The following LPIN2 variants were observed in gnomAD, a reference collection of about 807,000 sequenced individuals.
LPIN2 encodes the protein phosphatidate phosphatase LPIN2.
LPIN2 carries 55 observed loss-of-function variants against 111.4 expected under a neutral mutation model. The observed-to-expected ratio is 0.49, with a 90% CI of 0.40 to 0.62. LPIN2 has a LOEUF of 0.62. LPIN2 is among the 20% of genes least tolerant of loss of function. LPIN2 has a pLI of 0.00. For synonymous variants in LPIN2, 425 were observed against 414.0 expected, an observed-to-expected ratio of 1.03 and a Z score of -0.32; for missense variants, 992 against 1,112.1, an observed-to-expected ratio of 0.89 and a Z score of 1.54.
Position 2,920,041 on chromosome 18 carries a change from C to A in LPIN2, c.*252G>T. The A allele has an allele frequency of 3.5e-6, 2 of 571,702 alleles. No individual in the cohort carries two copies. Among genetic ancestry groups the A allele is most frequent in the Non-Finnish European group, 6.3e-6 (2 of 319,082 alleles). The allele number at this position is 571,702 out of a possible 1,614,324, so 35.4% of individuals were successfully genotyped here. A position where few individuals can be genotyped will look rare whatever the true frequency, so the allele number is the denominator to read the frequency against. ...CAGCTCACAGCAGGAAACATGTGTGCGACCCACAAAGGAGGGATCCCAGGC... is the reference window on the plus strand; with the variant it reads ...CAGCTCACAGCAGGAAACATGTGTGAGACCCACAAAGGAGGGATCCCAGGC... On this transcript the variant is annotated 3_prime_UTR_variant, in exon 20 of 20. Coordinates refer to ENST00000677752, the MANE Select transcript of LPIN2 (RefSeq NM_001375808.2).
chr18:2,920,298 A>T lies in LPIN2; in HGVS notation c.2686T>A (p.Ser896Thr), dbSNP rs1291536395. ...PIPEVDLDDL[S>T] ...CCACCCACTGAGGTGCCGCCTCAAGACAGGTCATCCAGGTCCACTTCAGGG... is the reference window on the plus strand; with the variant it reads ...CCACCCACTGAGGTGCCGCCTCAAGTCAGGTCATCCAGGTCCACTTCAGGG... The change falls in exon 20 of 20, where the codon TCT becomes ACT. Residue 896 changes from serine (S) to threonine (T), a missense_variant. By Grantham distance (58) the Ser-to-Thr change is moderately conservative (BLOSUM62 1). Coordinates refer to ENST00000677752, the MANE Select transcript of LPIN2 (RefSeq NM_001375808.2). 30 of 1,614,000 alleles carry T rather than the reference A, an allele frequency of 1.9e-5. No homozygotes were observed. In the East Asian group the frequency reaches 6.7e-4, roughly 36 times the overall value.
At chr18:2,990,695 G>A (rs1234449236) in intron 1 of LPIN2, 2 of 291,628 alleles carry the variant, frequency 6.9e-6, no homozygotes. Flanking sequence ...CCATTTATGA[G>A]AAAGACATAT....
chr18:2,977,795 TAATGAAGAAAA>T (rs1483986346), intron 1 of LPIN2, among the ~76,000 whole-genome samples: 1 of 152,068 alleles, frequency 6.6e-6, no homozygotes, highest in African/African-American at 2.4e-5. Context: ...GAATTATAAT[TAATGAAGAAAA>T]AATGAAGAAA....
At chr18:2,926,615 G>T in intron 13 of LPIN2, 108 bp downstream of exon 13, 2 of 883,266 alleles carry the variant, frequency 2.3e-6, no homozygotes, top group Non-Finnish European at 3.6e-6. Flanking sequence ...TGTAGTATCT[G>T]CAGAAGATAC....
chr18:2,951,911 T>C (rs534377807), intron 3 of LPIN2, among the ~76,000 whole-genome samples: 24 of 152,188 alleles, frequency 1.6e-4, no homozygotes, highest in Non-Finnish European at 3.1e-4. Context: ...ACAAATGACA[T>C]TAGTAAATTT....
chr18:2,953,723 T>G (rs2077571414), intron 3 of LPIN2, among the ~76,000 whole-genome samples: 2 of 152,254 alleles, frequency 1.3e-5, no homozygotes, highest in Admixed American at 6.5e-5. Context: ...TTATCAGTTT[T>G]GCTATTTGAG....
At chr18:2,975,044 T>C (rs1256223406) in intron 1 of LPIN2, among the ~76,000 whole-genome samples, 2 of 152,214 alleles carry the variant, frequency 1.3e-5, no homozygotes, top group Non-Finnish European at 2.9e-5. Flanking sequence ...CCATTTTACG[T>C]ACCTCATCTG....
At position 2,934,355 on chromosome 18, in the gene LPIN2, T is replaced by C. The variant is rs2077255178; in HGVS notation, c.1264A>G (p.Lys422Glu). The C allele has an allele frequency of 1.9e-6, 3 of 1,605,564 alleles. No individual in the cohort carries two copies. Among genetic ancestry groups the C allele is most frequent in the Non-Finnish European group, 2.6e-6 (3 of 1,172,360 alleles). The change falls in exon 8 of 20, where the codon AAA becomes GAA. Residue 422 changes from lysine (K) to glutamate (E), a missense_variant. Lys to Glu is a moderately conservative substitution (Grantham distance 56, BLOSUM62 1). Around this residue, in one of 4 missense-constraint regions of LPIN2, gnomAD observed 709 missense variants for 753.2 expected, o/e 0.94. Transcript: ENST00000677752. ...EPEVAALYFP[K>E]SESEPGSRQW... is the part of the protein sequence containing the mutation. The stretch of plus-strand genomic sequence containing the variant: ...AATAAATAAGGACCACTCTACCTTT[T>C]AGGGAAATAAAGAGCTGCAACTTCA...
chr18:2,927,729 G>A lies in LPIN2; in HGVS notation c.1703C>T (p.Thr568Ile). Residue 568 changes from threonine to isoleucine, a missense_variant, in exon 12 of 20, where the codon ACC becomes ATC. Physicochemically the swap from Thr to Ile is moderately conservative, Grantham distance 89. This residue lies in a region of LPIN2 where 709 missense variants were observed against 753.2 expected (regional missense o/e 0.94). Coordinates refer to ENST00000677752, the MANE Select transcript of LPIN2 (RefSeq NM_001375808.2). ...GACCTCTAGGTCTGTTACCTGTTTG[G>A]TCATGCTTTCTCTCTTTCGCCAAAA... Reference protein sequence around the residue: ...WWFWRKRESMTKQLPESKEGK... With the variant: ...WWFWRKRESMIKQLPESKEGK... 6.2e-7 allele frequency: 1 copy of A among 1,614,092 alleles called. No homozygotes were observed. The highest frequency in any genetic ancestry group is 1.1e-5 in the South Asian group (1 of 91,086).
chr18:3,011,691 TAA>T (rs1446009197), intron 1 of LPIN2: 20 of 152,252 alleles, frequency 1.3e-4, no homozygotes, highest in African/African-American at 4.6e-4. Flanking sequence ...TGTCTCGAAA[TAA>T]AAGAGATACT....
intron 1 of LPIN2, among the ~76,000 whole-genome samples, chr18:2,988,229 C>T (rs2078215605): frequency 6.6e-6 from 1 of 152,024 alleles, no homozygotes; most frequent in African/African-American, 2.4e-5. Context: ...ACTCTATTTC[C>T]CCATCAGAAT....
chr18:2,954,074 A>G (rs574278810), intron 3 of LPIN2, among the ~76,000 whole-genome samples: 39 of 152,314 alleles, frequency 2.6e-4, no homozygotes, highest in African/African-American at 8.7e-4. Flanking sequence ...AAGGTGAGGG[A>G]TGTAATATCC....
intron 3 of LPIN2, 51 bp downstream of exon 3, chr18:2,954,453 C>T (rs1490507791): frequency 7.5e-7 from 1 of 1,336,878 alleles, no homozygotes; most frequent in South Asian, 1.2e-5. Context: ...GGGCCACGTA[C>T]CAGAGGCCTG....
At chr18:2,927,214 C>T (rs1453398056) in intron 12 of LPIN2, among the ~76,000 whole-genome samples, 2 of 152,174 alleles carry the variant, frequency 1.3e-5, no homozygotes, top group South Asian at 2.1e-4. Flanking sequence ...ATTTGAAAAA[C>T]AGGTGAGAAC....
At chr18:3,010,768 C>A (rs771775118) in intron 1 of LPIN2, among the ~76,000 whole-genome samples, 3 of 152,176 alleles carry the variant, frequency 2.0e-5, no homozygotes, top group Non-Finnish European at 4.4e-5. Flanking sequence ...TCCAGCTAGG[C>A]GTTACTGTGC....
rs770448809 is a variant in LPIN2 at position 2,921,589 on chromosome 18, T to C, written c.2386A>G (p.Asn796Asp). 6.2e-7 allele frequency: 1 copy of C among 1,614,140 alleles called. No individual in the cohort carries two copies. Among genetic ancestry groups the C allele is most frequent in the South Asian group, 1.1e-5 (1 of 91,086 alleles). ...FKIECLNDIK[N>D]LFAPSKQPFY... ...GGCTGCTTAGACGGGGCAAACAGAT[T>C]CTTGATATCATTTAGACACTCAATT... The change falls in exon 18 of 20, where the codon AAT becomes GAT. Residue 796 changes from asparagine to aspartate, a missense_variant. Around this residue, in one of 4 missense-constraint regions of LPIN2, gnomAD observed 185 missense variants for 186.5 expected, o/e 0.99. Transcript: ENST00000677752.
intron 1 of LPIN2, among the ~76,000 whole-genome samples, chr18:2,985,955 G>A (rs575794818): frequency 4.6e-5 from 7 of 152,180 alleles, no homozygotes; most frequent in East Asian, 1.9e-4. Flanking sequence ...AATACCCACC[G>A]GAATTCCTCT....
At chr18:2,939,716 T>C in intron 5 of LPIN2, 113 bp from the exon 6 acceptor site, 2 of 1,151,484 alleles carry the variant, frequency 1.7e-6, no homozygotes, top group Non-Finnish European at 1.2e-6. Flanking sequence ...ATCCTGCATA[T>C]ATAAAAACTC....
At chr18:2,923,421 A>C (rs1315948460) in intron 16 of LPIN2, among the ~76,000 whole-genome samples, 1 of 62,146 alleles carries the variant, frequency 1.6e-5, no homozygotes, top group South Asian at 7.1e-4. Context: ...ACTCCATCTC[A>C]AAAAAAAAAA....
Sources: gnomAD v4.1 joint callset for allele counts (sites outside exome capture counted in the v4.1 genomes callset) on GRCh38, gnomAD v4.1.1 for gene constraint, gnomAD v4.1.1 regional missense constraint, MANE v1.5 for transcripts, NCBI Gene and HGNC (gene_info 2026-07-23, HGNC 2026-07-21) for gene names.